Variants in ZNF483 observed in about 807,000 individuals in gnomAD.
The protein encoded by ZNF483 is zinc finger protein 483, also known as zinc finger protein HIT-10.
In ZNF483, 9 loss-of-function variants were observed where a neutral mutation model predicts 28.6. That is an observed-to-expected ratio of 0.32 (90% CI 0.19 to 0.55). The LOEUF is 0.55. Among genes scored for constraint, ZNF483 ranks in the 20% least tolerant of loss-of-function variants. The pLI is 0.93. For synonymous variants in ZNF483, 322 were observed against 306.2 expected, an observed-to-expected ratio of 1.05 and a Z score of -0.54; for missense variants, 675 against 871.7, an observed-to-expected ratio of 0.77 and a Z score of 2.84.
At chr9:111,570,358 G>A in intron 5 of ZNF483, 1 of 1,342,574 alleles carries the variant, frequency 7.4e-7, no homozygotes, top group Non-Finnish European at 9.9e-7. Flanking sequence ...TGATCCACGG[G>A]ACTGCTGGCC....
At position 111,552,265 on chromosome 9, in the gene ZNF483, C is replaced by A. The variant is rs775129308; in HGVS notation, c.*9095C>A. 6.6e-6 allele frequency among the ~76,000 whole-genome samples: 1 copy of A among 151,944 alleles called. No individual in the cohort carries two copies. The highest frequency in any genetic ancestry group is 1.5e-5 in the Non-Finnish European group (1 of 67,988). On this transcript the variant is annotated 3_prime_UTR_variant, in exon 6 of 6. Transcript: ENST00000309235. ...CATCCAGGTAACATTGGTAAAGAAA[C>A]AAGATCATTAGATACATTGTCTTTT...
intron 5 of ZNF483, chr9:111,570,361 T>A (rs984468655): frequency 1.9e-5 from 25 of 1,326,416 alleles, no homozygotes; most frequent in Non-Finnish European, 2.3e-5. Context: ...TCCACGGGAC[T>A]GCTGGCCAAT....
chr9:111,542,558 T>C lies in ZNF483; in HGVS notation c.1623T>C (p.His541=), dbSNP rs1382016586. 16 of 1,614,012 alleles carry C rather than the reference T, an allele frequency of 9.9e-6. No individual in the cohort carries two copies. Among genetic ancestry groups the C allele is most frequent in the African/African-American group, 1.3e-5 (1 of 74,912 alleles). Reference sequence around the variant, plus strand: ...GTGACAGTTCATCTCTTATTCAACATCAGCGAATTCATACTGGAGAAAAAC... The same window carrying C: ...GTGACAGTTCATCTCTTATTCAACACCAGCGAATTCATACTGGAGAAAAAC... ...PFSDSSSLIQ[H]QRIHTGEKPY... Residue 541 remains histidine, a synonymous_variant, in exon 6 of 6, where the codon CAT becomes CAC. Coordinates refer to ENST00000309235, the MANE Select transcript of ZNF483 (RefSeq NM_133464.5). The surrounding 1 kb of genome is among the most constrained non-coding windows in gnomAD (Gnocchi z 6.2).
chr9:111,557,785 G>C (rs1156248372), downstream of ZNF483, among the ~76,000 whole-genome samples: 4 of 152,158 alleles, frequency 2.6e-5, no homozygotes, highest in African/African-American at 9.7e-5. Flanking sequence ...GTGGTGGTAG[G>C]CTTCTTCACT....
chr9:111,541,597 CA>C, intron 5 of ZNF483, 59 bp from the exon 6 acceptor site: 1 of 1,414,180 alleles, frequency 7.1e-7, no homozygotes, highest in Non-Finnish European at 9.5e-7. Context: ...ATTTCAGACC[CA>C]AAATACAACA....
At chr9:111,529,148 A>AAAAAG (rs34544684) in intron 2 of ZNF483, among the ~76,000 whole-genome samples, 96 of 149,584 alleles carry the variant, frequency 6.4e-4, no homozygotes, top group East Asian at 2.2e-3. Context: ...AAAAAAAAAA[A>AAAAAG]GATTGATTTC....
Position 111,544,040 on chromosome 9 carries a change from G to C in ZNF483, c.*870G>C. ...AGTGAAGTTCAAACGACTTTTCCTT[G>C]AGGGAGTATTTTAATCGGACAAGGG... On this transcript the variant is annotated 3_prime_UTR_variant, in exon 6 of 6. Coordinates refer to ENST00000309235, the MANE Select transcript of ZNF483 (RefSeq NM_133464.5). The C allele has an allele frequency of 6.1e-6, 6 of 985,416 alleles. No individual in the cohort carries two copies. Among genetic ancestry groups the C allele is most frequent in the Non-Finnish European group, 7.2e-6 (6 of 829,936 alleles). 61.0% of individuals were successfully genotyped at this position (985,416 alleles called of 1,614,324 possible). A position where few individuals can be genotyped will look rare whatever the true frequency, so the allele number is the denominator to read the frequency against.
chr9:111,567,103 T>TG (rs1828594772), intron 5 of ZNF483, among the ~76,000 whole-genome samples: 2 of 148,966 alleles, frequency 1.3e-5, no homozygotes, highest in Non-Finnish European at 3.0e-5. Flanking sequence ...ACAAAAAAAG[T>TG]CGGGGGGCGT....
rs894948160 is a variant in ZNF483, at chr9:111,551,248, C to G, written c.*8078C>G. Among the ~76,000 whole-genome samples the G allele has an allele frequency of 4.6e-5, 7 of 152,128 alleles. No individual in the cohort carries two copies. The highest frequency in any genetic ancestry group is 7.3e-5 in the Non-Finnish European group (5 of 68,036). ...ATCTGGTATGTAATGTGTTAATCTA[C>G]ACACAAAATTTTCATTTGTAATACA... On this transcript the variant is annotated 3_prime_UTR_variant, in exon 6 of 6. Coordinates refer to ENST00000309235, the MANE Select transcript of ZNF483 (RefSeq NM_133464.5).
At chr9:111,537,454 C>G (rs1212880793) in intron 5 of ZNF483, among the ~76,000 whole-genome samples, 1 of 151,986 alleles carries the variant, frequency 6.6e-6, no homozygotes, top group Non-Finnish European at 1.5e-5. Context: ...CTCAAGTGAT[C>G]TTCCTGCCTT....
chr9:111,525,329 G>A (rs1315318434), intron 1 of ZNF483, 67 bp downstream of exon 1: 1 of 152,094 alleles, frequency 6.6e-6, no homozygotes, highest in African/African-American at 2.4e-5. Flanking sequence ...GGGCGCACTT[G>A]GGGCGGGATG....
chr9:111,556,940 A>G (rs1828142008), downstream of ZNF483, among the ~76,000 whole-genome samples: 1 of 152,176 alleles, frequency 6.6e-6, no homozygotes. Flanking sequence ...GCCACAATGC[A>G]TGGTTCCATG....
rs899124068 is a variant in ZNF483, at chr9:111,554,290, G to A, written c.*11120G>A. ...TACTACAGATCCTGTAACTAAGAAA[G>A]TCAACCTCTGTCTTAGAAGTCACTT... On this transcript the variant is annotated 3_prime_UTR_variant, in exon 6 of 6. Coordinates refer to ENST00000309235, the MANE Select transcript of ZNF483 (RefSeq NM_133464.5). Among the ~76,000 whole-genome samples the A allele has an allele frequency of 1.3e-5, 2 of 150,582 alleles. No homozygotes were observed. Among genetic ancestry groups the A allele is most frequent in the Non-Finnish European group, 3.0e-5 (2 of 67,598 alleles).
intron 5 of ZNF483, chr9:111,570,114 C>T: frequency 1.9e-6 from 3 of 1,614,096 alleles, no homozygotes; most frequent in Non-Finnish European, 2.5e-6. Flanking sequence ...TTCAGCAAGT[C>T]CTTCAGAGCT....
chr9:111,562,228 C>T (rs1828347719), intron 5 of ZNF483, among the ~76,000 whole-genome samples: 1 of 151,408 alleles, frequency 6.6e-6, no homozygotes, highest in African/African-American at 2.4e-5. Context: ...TTATTATCCT[C>T]ACTTTAAAGA....
In ZNF483 at chr9:111,554,864, TC is replaced by T. The variant is rs1337541326; in HGVS notation, c.*11695del. On this transcript the variant is annotated 3_prime_UTR_variant, in exon 6 of 6. Transcript: ENST00000309235. ...AATCCAAAGTCTAATCTGCTCAGGG[TC>T]TACAACTGAAGTCCAGGGTCTTTGA... is the stretch of plus-strand genomic sequence containing the variant. Among the ~76,000 whole-genome samples the T allele has an allele frequency of 6.6e-6, 1 of 152,182 alleles. No homozygotes were observed. The highest frequency in any genetic ancestry group is 1.5e-5 in the Non-Finnish European group (1 of 68,030).
intron 3 of ZNF483, among the ~76,000 whole-genome samples, chr9:111,533,192 G>A (rs1040911346): frequency 6.6e-6 from 1 of 152,100 alleles, no homozygotes; most frequent in Non-Finnish European, 1.5e-5. Flanking sequence ...AAATCTATGT[G>A]TTAGGGTGAA....
In ZNF483 at chr9:111,546,465, G is replaced by A. The variant is rs186410602; in HGVS notation, c.*3295G>A. ...TTAAATTCACTTTTGGATTAAGTCA[G>A]ATTATCAAAAGGCTTTAAACGTCTT... On this transcript the variant is annotated 3_prime_UTR_variant, in exon 6 of 6. Coordinates refer to ENST00000309235, the MANE Select transcript of ZNF483 (RefSeq NM_133464.5). Among the ~76,000 whole-genome samples, 4 of 152,136 alleles carry A rather than the reference G, an allele frequency of 2.6e-5. No individual in the cohort carries two copies. The highest frequency in any genetic ancestry group is 4.8e-5 in the African/African-American group (2 of 41,448).
rs1827802849 is a variant in ZNF483, at chr9:111,546,174, T to C, written c.*3004T>C. Among the ~76,000 whole-genome samples, 1 of 152,252 alleles carries C rather than the reference T, an allele frequency of 6.6e-6. No homozygotes were observed. The highest frequency in any genetic ancestry group is 2.4e-5 in the African/African-American group (1 of 41,474). ...GCGAATAATGTCAAAGCATCTTTTA[T>C]GTGCTCTTCAGCCATTCATGTATCT... On this transcript the variant is annotated 3_prime_UTR_variant, in exon 6 of 6. Transcript: ENST00000309235.
Sources: allele counts gnomAD v4.1 joint callset (sites outside exome capture counted in the v4.1 genomes callset), GRCh38; gene constraint gnomAD v4.1.1; non-coding constraint Gnocchi (gnomAD v3.1); transcripts MANE v1.5; gene names NCBI Gene and HGNC (gene_info 2026-07-23, HGNC 2026-07-21).